The following PEBP4 variants were observed in gnomAD, a reference collection of about 807,000 sequenced individuals.
PEBP4 encodes the protein phosphatidylethanolamine-binding protein 4.
In PEBP4, 22 loss-of-function variants were observed where a neutral mutation model predicts 23.9. The ratio of observed to expected loss-of-function variants is 0.92; its 90% CI spans 0.66 to 1.31. PEBP4 has a LOEUF of 1.31. Ranked by LOEUF, PEBP4 falls within the 40% of genes most tolerant of loss-of-function variation. The pLI, the probability that PEBP4 is intolerant of heterozygous loss-of-function variation, is 0.00. For synonymous variants in PEBP4, 112 were observed against 99.3 expected (o/e 1.13, Z -0.76); for missense variants, 324 against 281.7 (o/e 1.15, Z -1.07).
chr8:22,932,203 C>T (rs533532247), upstream of PEBP4, among the ~76,000 whole-genome samples: 8 of 152,254 alleles, frequency 5.3e-5, no homozygotes, highest in South Asian at 8.3e-4. Context: ...TACACAGGGA[C>T]AGAAAGTAGA....
chr8:22,716,707 A>T (rs1292580259), intron 6 of PEBP4, among the ~76,000 whole-genome samples: 2 of 152,234 alleles, frequency 1.3e-5, no homozygotes, highest in Admixed American at 1.3e-4. Flanking sequence ...CTAAGCAGGC[A>T]TCTGAGAGAC....
At chr8:22,856,538 G>A (rs957980187) in intron 3 of PEBP4, among the ~76,000 whole-genome samples, 8 of 152,142 alleles carry the variant, frequency 5.3e-5, no homozygotes, top group East Asian at 3.9e-4. Context: ...CCAACATGGC[G>A]AAACCCCGTC....
At chr8:22,832,644 G>T (rs780579465) in intron 3 of PEBP4, among the ~76,000 whole-genome samples, 41 of 152,288 alleles carry the variant, frequency 2.7e-4, no homozygotes, top group Non-Finnish European at 4.9e-4. Context: ...CCCAAGAGGA[G>T]AAACGAAAAG....
chr8:22,791,005 G>T (rs1806125546), intron 4 of PEBP4, among the ~76,000 whole-genome samples: 1 of 152,164 alleles, frequency 6.6e-6, no homozygotes, highest in African/African-American at 2.4e-5. Flanking sequence ...TTATTTCTGA[G>T]GGGAGGTGGG....
upstream of PEBP4, among the ~76,000 whole-genome samples, chr8:22,931,025 G>C (rs1809448195): frequency 6.6e-6 from 1 of 152,084 alleles, no homozygotes; most frequent in Admixed American, 6.5e-5. Flanking sequence ...CACTGCTGCT[G>C]AAACTCTTCA....
chr8:22,849,490 C>A (rs1425260776), intron 3 of PEBP4, among the ~76,000 whole-genome samples: 1 of 152,156 alleles, frequency 6.6e-6, no homozygotes, highest in African/African-American at 2.4e-5. Context: ...GTATTAGCAG[C>A]CTTGGTTGAA....
At chr8:22,878,449 GT>G (rs896187723) in intron 3 of PEBP4, among the ~76,000 whole-genome samples, 1 of 152,184 alleles carries the variant, frequency 6.6e-6, no homozygotes, top group African/African-American at 2.4e-5. Flanking sequence ...GTGGCCTTGG[GT>G]TTCCAAGTGG....
chr8:22,752,867 A>G (rs1401286106), intron 4 of PEBP4, among the ~76,000 whole-genome samples: 1 of 152,212 alleles, frequency 6.6e-6, no homozygotes, highest in African/African-American at 2.4e-5. Context: ...GATAGTCAAG[A>G]AAAGGCTGTG....
At chr8:22,891,465 A>T (rs1808490793) in intron 3 of PEBP4, among the ~76,000 whole-genome samples, 1 of 152,184 alleles carries the variant, frequency 6.6e-6, no homozygotes, top group Non-Finnish European at 1.5e-5. Flanking sequence ...GGCTGGTGTG[A>T]TTCATCCCAC....
chr8:22,898,088 C>T (rs1352823641), intron 3 of PEBP4, among the ~76,000 whole-genome samples: 1 of 152,120 alleles, frequency 6.6e-6, no homozygotes, highest in Non-Finnish European at 1.5e-5. Context: ...AAATAAATGT[C>T]TGTTGTTAAT....
rs533056981 is a variant in PEBP4, at chr8:22,916,139, C to T, written c.258+4045G>A. Among the ~76,000 whole-genome samples, 8 of 152,268 alleles carry T rather than the reference C, an allele frequency of 5.3e-5. No individual in the cohort carries two copies. The South Asian group carries it at 1.7e-3, about 32-fold the overall frequency. On this transcript the variant is annotated intron_variant, in intron 3 of 6. Transcript: ENST00000256404. ...AAACTCCAGGGAGAGCAGGACAGAC[C>T]GAGGCAGCCTTTTGTTCCCTCCCTG...
chr8:22,913,394 T>C (rs1228746316), intron 3 of PEBP4, among the ~76,000 whole-genome samples: 3 of 152,104 alleles, frequency 2.0e-5, no homozygotes, highest in Non-Finnish European at 4.4e-5. Context: ...TTACTTCTTC[T>C]GCAATGTCCG....
intron 4 of PEBP4, among the ~76,000 whole-genome samples, chr8:22,814,050 A>G (rs1806689847): frequency 6.6e-6 from 1 of 152,240 alleles, no homozygotes; most frequent in South Asian, 2.1e-4. Flanking sequence ...ATATAAGAGC[A>G]AGTAATGATG....
intron 4 of PEBP4, among the ~76,000 whole-genome samples, chr8:22,790,051 C>A (rs1351523838): frequency 6.6e-6 from 1 of 152,226 alleles, no homozygotes; most frequent in African/African-American, 2.4e-5. Flanking sequence ...CTCTCCTGGG[C>A]CACTGAATAG....
chr8:22,826,487 A>G (rs923921632), intron 3 of PEBP4, among the ~76,000 whole-genome samples: 1 of 152,238 alleles, frequency 6.6e-6, no homozygotes, highest in Admixed American at 6.5e-5. Flanking sequence ...AAATAAGTGA[A>G]CATTGTTGGA....
At chr8:22,802,179 G>T (rs976105573) in intron 4 of PEBP4, among the ~76,000 whole-genome samples, 1 of 152,160 alleles carries the variant, frequency 6.6e-6, no homozygotes, top group African/African-American at 2.4e-5. Flanking sequence ...GGAGGAGGGT[G>T]TTGCTCTCTC....
intron 4 of PEBP4, among the ~76,000 whole-genome samples, chr8:22,809,560 C>G (rs1351297904): frequency 6.6e-6 from 1 of 152,130 alleles, no homozygotes; most frequent in Non-Finnish European, 1.5e-5. Flanking sequence ...CAATCTCAGG[C>G]CGCCACTTGC....
At chr8:22,828,094 C>T (rs1285948617) in intron 3 of PEBP4, among the ~76,000 whole-genome samples, 1 of 152,056 alleles carries the variant, frequency 6.6e-6, no homozygotes, top group African/African-American at 2.4e-5. Context: ...ATTATCTATC[C>T]AGAAATAATT....
At chr8:22,802,677 A>C (rs1168500787) in intron 4 of PEBP4, among the ~76,000 whole-genome samples, 1 of 152,218 alleles carries the variant, frequency 6.6e-6, no homozygotes, top group East Asian at 1.9e-4. Flanking sequence ...TAATAACGCC[A>C]ATCTCATCGG....
Sources: allele counts gnomAD v4.1 joint callset (sites outside exome capture counted in the v4.1 genomes callset), GRCh38; gene constraint gnomAD v4.1.1; transcripts MANE v1.5; gene names NCBI Gene and HGNC (gene_info 2026-07-23, HGNC 2026-07-21).